HLA-DRB1: variants seen among roughly 807,000 people sequenced by gnomAD.
HLA-DRB1 encodes major histocompatibility complex, class II, DR beta 1, also known as major histocompatibility complex, class II, DR beta 1 precursor.
A neutral mutation model predicts 27.9 loss-of-function variants in HLA-DRB1; 10 were observed. That is an observed-to-expected ratio of 0.36 (90% CI 0.22 to 0.61). The LOEUF (loss-of-function observed/expected upper bound fraction) is 0.61. HLA-DRB1 is among the 20% of genes least tolerant of loss of function. HLA-DRB1 has a pLI of 0.73. For synonymous variants in HLA-DRB1, 57 were observed against 126.7 expected (o/e 0.45, Z 3.69); for missense variants, 118 against 306.3 (o/e 0.39, Z 4.59).
chr6:32,584,707 C>CACCCT (rs41288201), intron 1 of HLA-DRB1, among the ~76,000 whole-genome samples: 1 of 98,962 alleles, frequency 1.0e-5, no homozygotes, highest in African/African-American at 4.4e-5. Flanking sequence ...CTGGGAGCCC[C>CACCCT]AAAGACACTC....
chr6:32,580,677 C>G (rs1223298663), intron 4 of HLA-DRB1, 69 bp downstream of exon 4: 30 of 1,343,736 alleles, frequency 2.2e-5, no homozygotes, highest in Non-Finnish European at 3.0e-5. Context: ...TGAGAACTAA[C>G]CTCAGCAAAG....
intron 1 of HLA-DRB1, among the ~76,000 whole-genome samples, chr6:32,588,040 G>C (rs79219700): frequency 0.14 from 17,304 of 127,790 alleles, 40 homozygotes; most frequent in East Asian, 0.18. Context: ...TGTCACACTA[G>C]ACCCCTTCTC....
chr6:32,588,632 T>G (rs41288872), intron 1 of HLA-DRB1, among the ~76,000 whole-genome samples: 71 of 54,738 alleles, frequency 1.3e-3, no homozygotes, highest in African/African-American at 1.9e-3. Flanking sequence ...CTAGGAAATT[T>G]AGGACAAGAC....
intron 1 of HLA-DRB1, among the ~76,000 whole-genome samples, chr6:32,589,378 C>A (rs1777018668): frequency 7.1e-6 from 1 of 140,428 alleles, no homozygotes; most frequent in Non-Finnish European, 1.5e-5. Context: ...CTCTAAAGAC[C>A]CTGAGGACAT....
exon 3 of HLA-DRB1, chr6:32,581,760 C>T: frequency 6.4e-7 from 1 of 1,553,266 alleles, no homozygotes; most frequent in Non-Finnish European, 8.8e-7. Flanking sequence ...TGGATAGAAA[C>T]CACTCACAGA....
chr6:32,586,793 T>C (rs4377810), intron 1 of HLA-DRB1, among the ~76,000 whole-genome samples: 1,820 of 73,720 alleles, frequency 0.025, 7 homozygotes, highest in East Asian at 0.032. Context: ...TTTCCTCCCA[T>C]AGTTTTTCCT....
chr6:32,585,403 G>A (rs112345165), intron 1 of HLA-DRB1, among the ~76,000 whole-genome samples: 367 of 124,552 alleles, frequency 2.9e-3, no homozygotes, highest in East Asian at 0.02. Flanking sequence ...CCAACCATAA[G>A]CCTTTTTGTA....
At chr6:32,579,313 A>G (rs1775148668) in intron 5 of HLA-DRB1, among the ~76,000 whole-genome samples, 1 of 85,124 alleles carries the variant, frequency 1.2e-5, no homozygotes, top group Non-Finnish European at 2.5e-5. Context: ...ATTTGGATCC[A>G]AAGTCTTTCC....
rs1776802713 is a variant in HLA-DRB1, at chr6:32,588,254, A to G, written c.100+1389T>C. On this transcript the variant is annotated intron_variant, in intron 1 of 5. Transcript: ENST00000360004. ...GAGGATTGCTTGAGTCCAGCAGTTC[A>G]AGACCAGCCTGGGCAACATGGCAAA... 2.8e-5 allele frequency among the ~76,000 whole-genome samples: 4 copies of G among 140,486 alleles called. 1 individual carries two copies. The highest frequency in any genetic ancestry group is 6.3e-5 in the Non-Finnish European group (4 of 63,602). The allele number at this position is 140,486 out of a possible 152,430, so 92.2% of individuals were successfully genotyped here. A position where few individuals can be genotyped will look rare whatever the true frequency, so the allele number is the denominator to read the frequency against.
intron 3 of HLA-DRB1, among the ~76,000 whole-genome samples, chr6:32,581,061 C>A (rs377064125): frequency 0.072 from 6,565 of 91,022 alleles, 373 homozygotes; most frequent in East Asian, 0.17. Flanking sequence ...ATATTACAGC[C>A]TTGATGTAAG....
At chr6:32,584,161 G>T (rs16822512) in exon 2 of HLA-DRB1, 6 of 1,290,146 alleles carry the variant, frequency 4.7e-6, no homozygotes, top group Admixed American at 2.1e-5. Flanking sequence ...GTCTGCAGTA[G>T]GTGTCCACCG....
chr6:32,582,311 A>G (rs6457604), intron 2 of HLA-DRB1, among the ~76,000 whole-genome samples: 1 of 131,098 alleles, frequency 7.6e-6, no homozygotes, highest in South Asian at 2.5e-4. Flanking sequence ...TAAAACAATG[A>G]CTGAAGATAG....
At position 32,581,853 on chromosome 6, in the gene HLA-DRB1, AC is replaced by A. The variant is rs757298489; in HGVS notation, c.371-16del. Reference sequence around the variant, plus strand: ...CTTAGGTTGGACTAGGAGAAAAACAACGTAGAGGGAATGAGTCAGGAAGACA... The same window carrying A: ...CTTAGGTTGGACTAGGAGAAAAACAAGTAGAGGGAATGAGTCAGGAAGACA... On this transcript the variant is annotated splice_polypyrimidine_tract_variant and intron_variant, in intron 2 of 5. Transcript: ENST00000360004. 0.18 allele frequency: 156,695 copies of A among 880,556 alleles called. 56 individuals are homozygous for A. Among genetic ancestry groups the A allele is most frequent in the Admixed American group, 0.25 (9,025 of 35,982 alleles). 54.5% of individuals were successfully genotyped at this position (880,556 alleles called of 1,614,324 possible). A position where few individuals can be genotyped will look rare whatever the true frequency, so the allele number is the denominator to read the frequency against.
chr6:32,584,477 G>GT, intron 1 of HLA-DRB1, 99 bp from the exon 2 acceptor site: 1 of 548,484 alleles, frequency 1.8e-6, no homozygotes, highest in Non-Finnish European at 2.7e-6. Flanking sequence ...TGCGGGCGCT[G>GT]GAACCTTAAC....
intron 1 of HLA-DRB1, among the ~76,000 whole-genome samples, chr6:32,589,374 A>G (rs112188470): frequency 2.8e-5 from 4 of 142,506 alleles, no homozygotes; most frequent in East Asian, 2.2e-4. Flanking sequence ...AATCCTCTAA[A>G]GACCCTGAGG....
At chr6:32,580,991 A>T in intron 3 of HLA-DRB1, 135 bp from the exon 4 acceptor site, 1 of 506,552 alleles carries the variant, frequency 2.0e-6, no homozygotes, top group Non-Finnish European at 3.2e-6. Flanking sequence ...ATTTCAGGAG[A>T]AAAAAAGGAT....
At chr6:32,582,902 C>A (rs36019320) in intron 2 of HLA-DRB1, among the ~76,000 whole-genome samples, 54,586 of 128,924 alleles carry the variant, frequency 0.42, 13,020 homozygotes, top group Middle Eastern at 0.55. Flanking sequence ...CTGGAGACAA[C>A]AATGCCACAA....
intron 1 of HLA-DRB1, among the ~76,000 whole-genome samples, chr6:32,589,386 C>A (rs113650892): frequency 0.14 from 16,008 of 115,286 alleles, 8 homozygotes; most frequent in East Asian, 0.19. Context: ...ACCCTGAGGA[C>A]ATGTGATGCA....
chr6:32,586,661 A>C (rs35920392), intron 1 of HLA-DRB1, among the ~76,000 whole-genome samples: 61 of 47,812 alleles, frequency 1.3e-3, no homozygotes, highest in Admixed American at 2.2e-3. Flanking sequence ...TAAATACCTG[A>C]AGCCCTGGCC....
Sources: gnomAD v4.1 joint callset for allele counts (sites outside exome capture counted in the v4.1 genomes callset) on GRCh38, gnomAD v4.1.1 for gene constraint, MANE v1.5 for transcripts, NCBI Gene and HGNC (gene_info 2026-07-23, HGNC 2026-07-21) for gene names.